The following ADAMTSL1 variants were observed in gnomAD, a reference collection of about 807,000 sequenced individuals.
ADAMTSL1 encodes ADAMTS like 1.
A neutral mutation model predicts 201.8 loss-of-function variants in ADAMTSL1; 126 were observed. That is an observed-to-expected ratio of 0.62 (90% CI 0.54 to 0.72). The LOEUF is 0.72. Among genes scored for constraint, ADAMTSL1 ranks in the 30% least tolerant of loss-of-function variants. The pLI is 0.00. For missense variants in ADAMTSL1, 2,679 were observed against 2,277.8 expected, an observed-to-expected ratio of 1.18 and a Z score of -3.59; for synonymous variants, 1,121 against 903.4, an observed-to-expected ratio of 1.24 and a Z score of -4.32.
intron 1 of ADAMTSL1, among the ~76,000 whole-genome samples, chr9:17,991,474 G>T (rs1819146366): frequency 6.6e-6 from 1 of 152,134 alleles, no homozygotes; most frequent in African/African-American, 2.4e-5. Context: ...GCCAGTTGAT[G>T]CTACTGAGAT....
chr9:18,590,415 G>C (rs991157243), intron 4 of ADAMTSL1, among the ~76,000 whole-genome samples: 2 of 150,174 alleles, frequency 1.3e-5, no homozygotes, highest in Admixed American at 1.3e-4. Context: ...TTTTTTCTTT[G>C]TTAGCCTAAC....
At chr9:18,898,581 G>C (rs974367243) in intron 26 of ADAMTSL1, among the ~76,000 whole-genome samples, 6 of 152,172 alleles carry the variant, frequency 3.9e-5, no homozygotes, top group Non-Finnish European at 8.8e-5. Flanking sequence ...ACAGAACCAA[G>C]TTGGAAAATC....
chr9:18,210,478 T>A (rs1409851118), intron 2 of ADAMTSL1, among the ~76,000 whole-genome samples: 1 of 147,182 alleles, frequency 6.8e-6, no homozygotes, highest in African/African-American at 2.5e-5. Context: ...ATATATGATA[T>A]ATAAATAAAT....
chr9:18,774,037 C>T (rs893497373), intron 17 of ADAMTSL1, among the ~76,000 whole-genome samples: 1 of 152,182 alleles, frequency 6.6e-6, no homozygotes, highest in African/African-American at 2.4e-5. Context: ...AATATGTTAG[C>T]ATATAACACT....
intron 15 of ADAMTSL1, chr9:18,723,190 C>G: frequency 1.4e-6 from 1 of 701,174 alleles, no homozygotes; most frequent in African/African-American, 1.8e-5. Context: ...TCTGAGATCC[C>G]ATGACTTGCT....
chr9:18,756,076 A>AATATATATATATATATATATAT (rs55717414), intron 16 of ADAMTSL1, among the ~76,000 whole-genome samples: 20 of 80,708 alleles, frequency 2.5e-4, no homozygotes, highest in Non-Finnish European at 3.4e-4. Context: ...CTCTACTGAA[A>AATATATATATATATATATATAT]ATATATATAT....
In ADAMTSL1 at chr9:18,889,524, A is replaced by G. The variant is rs368774758; in HGVS notation, c.4463-44A>G. The G allele has an allele frequency of 2.1e-5, 33 of 1,598,144 alleles. No homozygotes were observed. In the African/African-American group the frequency reaches 4.2e-4, roughly 20 times the overall value. On this transcript the variant is annotated intron_variant, in intron 24 of 28. Coordinates refer to ENST00000380548, the MANE Select transcript of ADAMTSL1 (RefSeq NM_001040272.6). Reference sequence around the variant, plus strand: ...TCAGAAGGAATTCAGAGTGTGGGCAATTATGCTATATTCTTTTCTACACTG... The same window carrying G: ...TCAGAAGGAATTCAGAGTGTGGGCAGTTATGCTATATTCTTTTCTACACTG...
intron 2 of ADAMTSL1, among the ~76,000 whole-genome samples, chr9:18,226,293 A>C (rs1467102069): frequency 6.6e-6 from 1 of 152,162 alleles, no homozygotes; most frequent in South Asian, 2.1e-4. Flanking sequence ...TCTCTCTCAG[A>C]TCCTCTCTTC....
intron 2 of ADAMTSL1, among the ~76,000 whole-genome samples, chr9:18,384,513 C>G (rs1485360875): frequency 1.3e-5 from 2 of 152,170 alleles, no homozygotes; most frequent in African/African-American, 2.4e-5. Context: ...CCTCATCTCT[C>G]TCTTTCACAG....
At chr9:17,909,473 T>C (rs1007840267) in intron 1 of ADAMTSL1, among the ~76,000 whole-genome samples, 1 of 116,854 alleles carries the variant, frequency 8.6e-6, no homozygotes, top group Non-Finnish European at 1.9e-5. Context: ...TTTAAGTCTT[T>C]AATCATCTTG....
intron 16 of ADAMTSL1, among the ~76,000 whole-genome samples, chr9:18,764,783 A>G (rs1820267887): frequency 6.6e-6 from 1 of 152,214 alleles, no homozygotes; most frequent in African/African-American, 2.4e-5. Context: ...TACCATTGAT[A>G]ATATCCTAAA....
Position 18,744,154 on chromosome 9 carries a change from G to A in ADAMTSL1, c.2007-9144G>A, listed in dbSNP as rs1818999122. On this transcript the variant is annotated intron_variant, in intron 15 of 28. Transcript: ENST00000380548. ...GGGAAGTGCAATTCATCAGGTCAAT[G>A]CAAGTAGTTATGAGCACCACAATGC... 2.0e-5 allele frequency among the ~76,000 whole-genome samples: 3 copies of A among 152,370 alleles called. No individual in the cohort carries two copies. In the South Asian group the frequency reaches 6.2e-4, roughly 32 times the overall value.
intron 2 of ADAMTSL1, among the ~76,000 whole-genome samples, chr9:18,505,207 A>C (rs1208576727): frequency 6.6e-6 from 1 of 152,224 alleles, no homozygotes; most frequent in African/African-American, 2.4e-5. Context: ...TATCATCTTT[A>C]CCAAGCAAAT....
At chr9:17,992,427 G>A (rs571362550) in intron 1 of ADAMTSL1, among the ~76,000 whole-genome samples, 15 of 152,054 alleles carry the variant, frequency 9.9e-5, no homozygotes, top group African/African-American at 1.7e-4. Context: ...TTAAAATTTC[G>A]CCAGTGATGG....
chr9:18,100,800 G>A (rs117400635), intron 1 of ADAMTSL1, among the ~76,000 whole-genome samples: 2,177 of 152,178 alleles, frequency 0.014, 17 homozygotes, highest in Non-Finnish European at 0.021. Flanking sequence ...TTATTGGATT[G>A]GCTAAACATT....
intron 2 of ADAMTSL1, among the ~76,000 whole-genome samples, chr9:18,440,001 C>T (rs549216907): frequency 2.6e-5 from 4 of 152,268 alleles, no homozygotes; most frequent in Non-Finnish European, 4.4e-5. Context: ...TAAATTTGTA[C>T]TCAATTTTAA....
intron 2 of ADAMTSL1, among the ~76,000 whole-genome samples, chr9:18,274,816 A>G (rs765526919): frequency 6.6e-6 from 1 of 152,208 alleles, no homozygotes; most frequent in African/African-American, 2.4e-5. Flanking sequence ...GCAGCACTGC[A>G]TTTGAGATTG....
intron 28 of ADAMTSL1, 135 bp from the exon 29 acceptor site, chr9:18,908,307 C>T (rs560171529): frequency 2.9e-5 from 21 of 725,476 alleles, no homozygotes; most frequent in Non-Finnish European, 4.3e-5. Flanking sequence ...GGCTGGAGAG[C>T]GGTGGCCAAG....
intron 23 of ADAMTSL1, among the ~76,000 whole-genome samples, chr9:18,842,794 C>A (rs938981235): frequency 1.3e-5 from 2 of 152,072 alleles, no homozygotes; most frequent in Non-Finnish European, 2.9e-5. Flanking sequence ...ATGTAATGAC[C>A]TTCTTGGTCT....
Sources: gnomAD v4.1 joint callset for allele counts (sites outside exome capture counted in the v4.1 genomes callset) on GRCh38, gnomAD v4.1.1 for gene constraint, MANE v1.5 for transcripts, NCBI Gene and HGNC (gene_info 2026-07-23, HGNC 2026-07-21) for gene names.